The following HNRNPL variants were observed in gnomAD, a reference collection of about 807,000 sequenced individuals.
The protein encoded by HNRNPL is heterogeneous nuclear ribonucleoprotein L.
HNRNPL carries 12 observed loss-of-function variants against 64.0 expected under a neutral mutation model. The ratio of observed to expected loss-of-function variants is 0.19; its 90% CI spans 0.12 to 0.30. The LOEUF (loss-of-function observed/expected upper bound fraction) is 0.30, where lower values mean the gene tolerates loss of function less well. HNRNPL is among the 10% of genes least tolerant of loss of function. The pLI, the probability that HNRNPL is intolerant of heterozygous loss-of-function variation, is 1.00. For synonymous variants in HNRNPL, 385 were observed against 313.0 expected (o/e 1.23, Z -2.43); for missense variants, 484 against 797.4 (o/e 0.61, Z 4.73).
At chr19:38,851,491 GAAAT>G (rs1972503429), upstream of HNRNPL, among the ~76,000 whole-genome samples, 1 of 152,352 alleles carries the variant, frequency 6.6e-6, no homozygotes, top group Non-Finnish European at 1.5e-5. Context: ...GGGGGGAAAA[GAAAT>G]AAAAGCGAAG....
At chr19:38,845,553 C>T (rs1972265338) in intron 4 of HNRNPL, 97 bp downstream of exon 4, 5 of 967,708 alleles carry the variant, frequency 5.2e-6, no homozygotes, top group Admixed American at 1.8e-5. Context: ...CAGCCACTCC[C>T]GTGGTCAGCA....
At chr19:38,837,744 G>GA in intron 10 of HNRNPL, 93 bp from the exon 11 acceptor site, 1 of 1,060,130 alleles carries the variant, frequency 9.4e-7, no homozygotes, top group African/African-American at 1.6e-5. Flanking sequence ...CTCAGTACTT[G>GA]AAGTTTTCAG....
intron 4 of HNRNPL, among the ~76,000 whole-genome samples, chr19:38,844,351 C>T (rs749737912): frequency 6.6e-6 from 1 of 152,182 alleles, no homozygotes; most frequent in Non-Finnish European, 1.5e-5. Context: ...GACCCATGGC[C>T]ACCAGCAACC....
upstream of HNRNPL, chr19:38,850,289 A>C (rs1212867641): frequency 7.0e-6 from 2 of 287,532 alleles, no homozygotes; most frequent in Non-Finnish European, 1.3e-5. Context: ...CGGCGCTCTA[A>C]ACCTCCCAAG....
At chr19:38,845,613 C>A (rs1195025363) in intron 4 of HNRNPL, 37 bp downstream of exon 4, 1 of 1,540,168 alleles carries the variant, frequency 6.5e-7, no homozygotes, top group East Asian at 2.2e-5. Context: ...GCAAGAGTCC[C>A]TACCCTAAGG....
At chr19:38,846,882 G>A (rs1418369220) in intron 2 of HNRNPL, among the ~76,000 whole-genome samples, 1 of 151,950 alleles carries the variant, frequency 6.6e-6, no homozygotes, top group Non-Finnish European at 1.5e-5. Flanking sequence ...CTCCAGCCTG[G>A]GCGACAGAGC....
At chr19:38,846,398 G>C (rs1857334562) in intron 2 of HNRNPL, among the ~76,000 whole-genome samples, 1 of 152,198 alleles carries the variant, frequency 6.6e-6, no homozygotes, top group South Asian at 2.1e-4. Context: ...AACTTTCTAA[G>C]AGAAGCATCC....
At chr19:38,843,188 G>T (rs1972172414) in intron 6 of HNRNPL, among the ~76,000 whole-genome samples, 1 of 152,100 alleles carries the variant, frequency 6.6e-6, no homozygotes, top group African/African-American at 2.4e-5. Context: ...GGTCTTGTTG[G>T]GGGGCTGCCG....
intron 4 of HNRNPL, 133 bp downstream of exon 4, chr19:38,845,517 G>A (rs1238136636): frequency 2.8e-6 from 2 of 718,666 alleles, no homozygotes; most frequent in African/African-American, 3.5e-5. Context: ...CAGTCACTGG[G>A]CTCTGTGAAG....
intron 4 of HNRNPL, chr19:38,845,325 C>T (rs898880424): frequency 4.0e-6 from 1 of 250,398 alleles, no homozygotes; most frequent in Non-Finnish European, 7.9e-6. Flanking sequence ...GAGCTGAGAT[C>T]GCACCACTGC....
rs1218470205 is a variant in HNRNPL, at chr19:38,845,953, G to A, written c.524C>T (p.Thr175Ile). The A allele has an allele frequency of 6.2e-7, 1 of 1,614,210 alleles. No homozygotes were observed. The highest frequency in any genetic ancestry group is 1.1e-5 in the South Asian group (1 of 91,084). The change falls in exon 3 of 13, where the codon ACC becomes ATC. Residue 175 changes from threonine to isoleucine, a missense_variant. Coordinates refer to ENST00000221419, the MANE Select transcript of HNRNPL (RefSeq NM_001533.3). ...CCCAGGGCGGGAGATCTTCTGGCTG[G>A]TAGAGTAGTTGACAAAAGCTGGGTG... ...AGHPAFVNYS[T>I]SQKISRPGDS... is the part of the protein sequence containing the mutation.
At position 38,847,454 on chromosome 19, in the gene HNRNPL, C is replaced by G. The variant is rs776440586; in HGVS notation, c.268-20G>C. ...GTTCTCCTGAGAAAGGAAGCAAAAA[C>G]AAGAATTATTTTCTTGCTGTACAAG... On this transcript the variant is annotated intron_variant, in intron 1 of 12. Coordinates refer to ENST00000221419, the MANE Select transcript of HNRNPL (RefSeq NM_001533.3). 3.1e-5 allele frequency: 44 copies of G among 1,427,594 alleles called. No homozygotes were observed. In the Admixed American group the frequency reaches 1.0e-3, roughly 34 times the overall value. 88.4% of individuals were successfully genotyped at this position (1,427,594 alleles called of 1,614,324 possible).
chr19:38,848,643 C>T (rs77782212), intron 1 of HNRNPL, among the ~76,000 whole-genome samples: 3,384 of 152,306 alleles, frequency 0.022, 124 homozygotes, highest in African/African-American at 0.074. Context: ...GGGTGAGGCA[C>T]TCCCGCCAGG....
At chr19:38,838,337 T>C (rs1971996856) in intron 10 of HNRNPL, 60 bp downstream of exon 10, 1 of 1,387,692 alleles carries the variant, frequency 7.2e-7, no homozygotes, top group South Asian at 1.3e-5. Flanking sequence ...CTGAAATGAA[T>C]GGCCTACTCA....
upstream of HNRNPL, chr19:38,852,164 A>C (rs1485113450): frequency 7.0e-6 from 1 of 143,450 alleles, no homozygotes; most frequent in Non-Finnish European, 1.5e-5. Context: ...CGGCCTGGTG[A>C]CCCGCACCCC....
intron 12 of HNRNPL, 45 bp from the exon 13 acceptor site, chr19:38,836,825 T>TCC (rs1249529626): frequency 6.8e-7 from 1 of 1,465,396 alleles, no homozygotes; most frequent in Middle Eastern, 1.7e-4. Flanking sequence ...CTTTGGAGGC[T>TCC]CCCCAAACCC....
At chr19:38,841,865 A>G in intron 6 of HNRNPL, 1 of 375,360 alleles carries the variant, frequency 2.7e-6, no homozygotes, top group Non-Finnish European at 5.3e-6. Flanking sequence ...GTGTCCCTCC[A>G]TGTTGTCACC....
intron 6 of HNRNPL, 84 bp downstream of exon 6, chr19:38,843,758 A>G: frequency 8.6e-7 from 1 of 1,161,734 alleles, no homozygotes. Flanking sequence ...GGCATTACAT[A>G]ACCCTGAGCC....
chr19:38,839,234 G>A, intron 8 of HNRNPL: 2 of 543,216 alleles, frequency 3.7e-6, no homozygotes, highest in South Asian at 2.1e-5. Flanking sequence ...TAACCCACCA[G>A]TAAATCATTT....
Sources: allele counts gnomAD v4.1 joint callset (sites outside exome capture counted in the v4.1 genomes callset), GRCh38; gene constraint gnomAD v4.1.1; transcripts MANE v1.5; gene names NCBI Gene and HGNC (gene_info 2026-07-23, HGNC 2026-07-21).